Variants in MB21D2 observed in about 807,000 individuals in gnomAD.
MB21D2 encodes the protein nucleotidyltransferase MB21D2.
MB21D2 carries 9 observed loss-of-function variants against 33.3 expected under a neutral mutation model. That is an observed-to-expected ratio of 0.27 (90% CI 0.16 to 0.47). MB21D2 has a LOEUF of 0.47. MB21D2 is among the 20% of genes least tolerant of loss of function. MB21D2 has a pLI of 0.99. For synonymous variants in MB21D2, 241 were observed against 236.3 expected (o/e 1.02, Z -0.18); for missense variants, 540 against 624.6 (o/e 0.86, Z 1.44).
At chr3:192,825,585 A>T (rs1712157736) in intron 1 of MB21D2, among the ~76,000 whole-genome samples, 1 of 152,264 alleles carries the variant, frequency 6.6e-6, no homozygotes. Flanking sequence ...AATTTAAATA[A>T]TTAAAATTTT....
intron 1 of MB21D2, among the ~76,000 whole-genome samples, chr3:192,850,989 T>C (rs1360531918): frequency 6.6e-6 from 1 of 152,228 alleles, no homozygotes; most frequent in African/African-American, 2.4e-5. Flanking sequence ...CTACTTATTG[T>C]TAGCTGTGTT....
At chr3:192,897,648 G>A (rs1714007381) in intron 1 of MB21D2, among the ~76,000 whole-genome samples, 1 of 152,104 alleles carries the variant, frequency 6.6e-6, no homozygotes. Flanking sequence ...TATGGGGGAG[G>A]GGTGGAATGA....
Position 192,798,635 on chromosome 3 carries a change from C to T in MB21D2, c.1227G>A (p.Glu409=), listed in dbSNP as rs747575666. The change falls in exon 2 of 2, where the codon GAG becomes GAA. Residue 409 remains glutamate (E), a synonymous_variant. Transcript: ENST00000392452. The surrounding 1 kb of genome is among the most constrained non-coding windows in gnomAD (Gnocchi z 4.8). ...CATGCTCAATGGCGGTGCGCAAGTG[C>T]TCTGCCGGGTCTGAGCGCACAGAGG... ...KLSSVRSDPA[E]HLRTAIEHVK... The T allele has an allele frequency of 2.0e-5, 33 of 1,613,756 alleles. No homozygotes were observed. The highest frequency in any genetic ancestry group is 2.7e-5 in the Non-Finnish European group (32 of 1,180,044).
Position 192,820,333 on chromosome 3 carries a change from T to C in MB21D2, c.212-20683A>G, listed in dbSNP as rs115719771. Among the ~76,000 whole-genome samples the C allele has an allele frequency of 9.8e-3, 1,484 of 152,048 alleles. 18 individuals carry two copies. The highest frequency in any genetic ancestry group is 0.034 in the African/African-American group (1,398 of 41,478). On this transcript the variant is annotated intron_variant, in intron 1 of 1. Coordinates refer to ENST00000392452, the MANE Select transcript of MB21D2 (RefSeq NM_178496.4). ...TCTAACTTAAGCACAAAGAGCAAAG[T>C]AGACCTTTAACTCCCCCGAGATAAC...
At chr3:192,833,923 TC>T (rs1344069957) in intron 1 of MB21D2, among the ~76,000 whole-genome samples, 1 of 152,076 alleles carries the variant, frequency 6.6e-6, no homozygotes, top group Non-Finnish European at 1.5e-5. Flanking sequence ...GCTAATCCCA[TC>T]CTCCCCTGTA....
chr3:192,890,719 GAAAC>G (rs781460221), intron 1 of MB21D2, among the ~76,000 whole-genome samples: 10 of 151,928 alleles, frequency 6.6e-5, no homozygotes, highest in Admixed American at 3.9e-4. Flanking sequence ...AAAAACCTTT[GAAAC>G]AAACAAATTT....
chr3:192,830,085 C>G (rs1387594157), intron 1 of MB21D2, among the ~76,000 whole-genome samples: 1 of 152,096 alleles, frequency 6.6e-6, no homozygotes, highest in Non-Finnish European at 1.5e-5. Flanking sequence ...GCCCAGGCCT[C>G]AAGCCATCCT....
At chr3:192,871,438 G>A (rs1427368805) in intron 1 of MB21D2, among the ~76,000 whole-genome samples, 1 of 152,164 alleles carries the variant, frequency 6.6e-6, no homozygotes, top group Non-Finnish European at 1.5e-5. Flanking sequence ...GGGATACAGG[G>A]ATACAGTAGA....
intron 1 of MB21D2, among the ~76,000 whole-genome samples, chr3:192,816,359 C>A (rs62293185): frequency 6.6e-6 from 1 of 151,954 alleles, no homozygotes; most frequent in African/African-American, 2.4e-5. Context: ...CTTGTTATGA[C>A]AGTAACTTTC....
At chr3:192,802,357 T>C (rs1271516122) in intron 1 of MB21D2, among the ~76,000 whole-genome samples, 2 of 139,682 alleles carry the variant, frequency 1.4e-5, no homozygotes, top group African/African-American at 5.3e-5. Flanking sequence ...GGGTGCTGCT[T>C]CATAAACATC....
At chr3:192,904,074 G>A (rs1250029207) in intron 1 of MB21D2, among the ~76,000 whole-genome samples, 1 of 152,174 alleles carries the variant, frequency 6.6e-6, no homozygotes, top group Admixed American at 6.5e-5. Context: ...CATAGTGTTG[G>A]TGTTAGGACT....
chr3:192,829,570 T>C (rs1210272105), intron 1 of MB21D2, among the ~76,000 whole-genome samples: 1 of 152,248 alleles, frequency 6.6e-6, no homozygotes, highest in East Asian at 1.9e-4. Context: ...CAATGCCTCA[T>C]GTGTGCATTC....
At position 192,840,415 on chromosome 3, in the gene MB21D2, CTTTTTTT is replaced by C. The variant is rs71177380; in HGVS notation, c.212-40772_212-40766del. Among the ~76,000 whole-genome samples the C allele has an allele frequency of 6.9e-4, 61 of 88,294 alleles. 2 individuals are homozygous for C. The highest frequency in any genetic ancestry group is 0.013 in the Middle Eastern group (1 of 80). The allele number at this position is 88,294 out of a possible 152,430, so 57.9% of individuals were successfully genotyped here. Reference sequence around the variant, plus strand: ...TGACAAAGACTTTTTTCTCTTTTTTCTTTTTTTTTTTTTTTTTTTTTTTTTGCTTTTC... The same window carrying C: ...TGACAAAGACTTTTTTCTCTTTTTTCTTTTTTTTTTTTTTTTTTGCTTTTC... On this transcript the variant is annotated intron_variant, in intron 1 of 1. Transcript: ENST00000392452.
intron 1 of MB21D2, among the ~76,000 whole-genome samples, chr3:192,808,795 G>A (rs1441984636): frequency 1.3e-5 from 2 of 152,218 alleles, no homozygotes; most frequent in African/African-American, 4.8e-5. Context: ...GCTGGATGCT[G>A]CCCTTCCTTC....
At chr3:192,868,992 A>C (rs1157684423) in intron 1 of MB21D2, among the ~76,000 whole-genome samples, 2 of 152,196 alleles carry the variant, frequency 1.3e-5, no homozygotes, top group African/African-American at 4.8e-5. Context: ...TGTTAAAAGA[A>C]ATATACAGCA....
At chr3:192,823,512 G>T (rs763164683) in intron 1 of MB21D2, among the ~76,000 whole-genome samples, 1 of 152,066 alleles carries the variant, frequency 6.6e-6, no homozygotes, top group African/African-American at 2.4e-5. Context: ...AAAATTAGCC[G>T]GGTGTGGTGG....
intron 1 of MB21D2, among the ~76,000 whole-genome samples, chr3:192,842,085 T>C (rs983864913): frequency 4.0e-5 from 6 of 150,074 alleles, no homozygotes; most frequent in African/African-American, 1.3e-4. Flanking sequence ...AGGGCGCCAC[T>C]CGGGGGGCAT....
rs771620715 is a variant in MB21D2 at position 192,855,087 on chromosome 3, A to AT, written c.212-55438dup. Among the ~76,000 whole-genome samples, 58 of 151,592 alleles carry AT rather than the reference A, an allele frequency of 3.8e-4. No homozygotes were observed. The Middle Eastern group carries it at 0.017, about 44-fold the overall frequency. On this transcript the variant is annotated intron_variant, in intron 1 of 1. Coordinates refer to ENST00000392452, the MANE Select transcript of MB21D2 (RefSeq NM_178496.4). Reference sequence around the variant, plus strand: ...ATTGAAGGCTCAGATGATTATCAGCATTTTTTAGCAATAATTCTTTTTTTT... The same window carrying AT: ...ATTGAAGGCTCAGATGATTATCAGCATTTTTTTAGCAATAATTCTTTTTTTT...
chr3:192,911,403 C>T (rs1321993001), intron 1 of MB21D2, among the ~76,000 whole-genome samples: 1 of 152,202 alleles, frequency 6.6e-6, no homozygotes, highest in African/African-American at 2.4e-5. Flanking sequence ...AGCAGACAGA[C>T]ATTATCTGCT....
Sources: gnomAD v4.1 joint callset for allele counts (sites outside exome capture counted in the v4.1 genomes callset) on GRCh38, gnomAD v4.1.1 for gene constraint, Gnocchi (gnomAD v3.1) non-coding constraint, MANE v1.5 for transcripts, NCBI Gene and HGNC (gene_info 2026-07-23, HGNC 2026-07-21) for gene names.